The following SGCD variants were observed in gnomAD, a reference collection of about 807,000 sequenced individuals.
SGCD encodes the protein delta-sarcoglycan.
Under a neutral mutation model 36.6 loss-of-function variants are expected in SGCD, and 18 were observed. The ratio of observed to expected loss-of-function variants is 0.49; its 90% confidence interval spans 0.34 to 0.73. SGCD has a LOEUF of 0.73. Ranked by LOEUF, SGCD falls within the 30% of genes least tolerant of loss-of-function variation. The probability of loss-of-function intolerance (pLI) is 0.01; values close to 1 mark genes in which losing one functional copy is unlikely to be tolerated. For missense variants in SGCD, 387 were observed against 346.7 expected (o/e 1.12, Z -0.92); for synonymous variants, 133 against 130.6 (o/e 1.02, Z -0.12).
chr5:156,449,823 G>A (rs12659085), intron 3 of SGCD, among the ~76,000 whole-genome samples: 8,334 of 140,396 alleles, frequency 0.059, 295 homozygotes, highest in East Asian at 0.11. Flanking sequence ...CTGCACTCCA[G>A]CCTGGGTGAT....
chr5:156,151,000 A>C (rs1274578323), intron 3 of SGCD, among the ~76,000 whole-genome samples: 1 of 151,768 alleles, frequency 6.6e-6, no homozygotes, highest in Non-Finnish European at 1.5e-5. Context: ...AACATAAAAA[A>C]GGTAAAAAAT....
At chr5:156,604,027 A>G (rs1000167957) in intron 6 of SGCD, among the ~76,000 whole-genome samples, 5 of 151,894 alleles carry the variant, frequency 3.3e-5, no homozygotes, top group African/African-American at 1.2e-4. Flanking sequence ...TTTGGAGTCA[A>G]TCTCTCCCTT....
intron 1 of SGCD, among the ~76,000 whole-genome samples, chr5:155,973,366 A>G (rs539294805): frequency 5.0e-4 from 76 of 152,160 alleles, no homozygotes; most frequent in African/African-American, 1.6e-3. Context: ...ATTTAGCTCT[A>G]CACTGAGAAG....
At chr5:156,684,122 T>C (rs1396863812) in intron 7 of SGCD, among the ~76,000 whole-genome samples, 1 of 152,122 alleles carries the variant, frequency 6.6e-6, no homozygotes, top group African/African-American at 2.4e-5. Flanking sequence ...ATTTGAATAA[T>C]GAATGAATGA....
the SGCD span, among the ~76,000 whole-genome samples, chr5:155,773,714 CAAAT>C: frequency 6.6e-6 from 1 of 152,040 alleles, no homozygotes; most frequent in Non-Finnish European, 1.5e-5. Context: ...AGGGGTAAGT[CAAAT>C]AAAACTTCCT....
intron 4 of SGCD, among the ~76,000 whole-genome samples, chr5:156,521,994 G>A (rs764961838): frequency 5.9e-5 from 9 of 152,116 alleles, no homozygotes; most frequent in Non-Finnish European, 1.0e-4. Flanking sequence ...GCACATATAC[G>A]CTATGGAATA....
chr5:155,801,344 G>A, the SGCD span, among the ~76,000 whole-genome samples: 1 of 152,168 alleles, frequency 6.6e-6, no homozygotes, highest in East Asian at 1.9e-4. Context: ...AGAAGACACA[G>A]CTCATTCATT....
chr5:155,752,470 A>G, the SGCD span, among the ~76,000 whole-genome samples: 173 of 152,164 alleles, frequency 1.1e-3, no homozygotes, highest in African/African-American at 4.0e-3. Flanking sequence ...TACTCAGGCC[A>G]ATCTTTCTGC....
intron 1 of SGCD, among the ~76,000 whole-genome samples, chr5:155,872,207 A>G (rs1377493138): frequency 6.6e-6 from 1 of 152,214 alleles, no homozygotes; most frequent in Non-Finnish European, 1.5e-5. Flanking sequence ...TGCCTGCGAC[A>G]GCTTTAGTTT....
intron 1 of SGCD, among the ~76,000 whole-genome samples, chr5:155,909,695 T>C (rs774915621): frequency 2.6e-5 from 4 of 152,178 alleles, no homozygotes; most frequent in Non-Finnish European, 5.9e-5. Flanking sequence ...GCTAAACCCT[T>C]AAATTGAGTG....
At chr5:156,522,296 T>C (rs1283224619) in intron 4 of SGCD, among the ~76,000 whole-genome samples, 1 of 151,968 alleles carries the variant, frequency 6.6e-6, no homozygotes, top group African/African-American at 2.4e-5. Context: ...TACCTATGTA[T>C]CAAACCTGCA....
intron 3 of SGCD, among the ~76,000 whole-genome samples, chr5:156,379,211 AT>A (rs1770844945): frequency 6.6e-6 from 1 of 152,228 alleles, no homozygotes; most frequent in Admixed American, 6.5e-5. Context: ...AAATACCTAT[AT>A]TTCAGACAGT....
chr5:156,226,462 A>G (rs1013452619), intron 3 of SGCD, among the ~76,000 whole-genome samples: 4 of 152,204 alleles, frequency 2.6e-5, no homozygotes, highest in Non-Finnish European at 2.9e-5. Context: ...TTATCCATAC[A>G]TTGATTGATG....
intron 1 of SGCD, among the ~76,000 whole-genome samples, chr5:155,892,988 G>A (rs1181672945): frequency 6.6e-6 from 1 of 152,152 alleles, no homozygotes. Context: ...AGAGGGTGAG[G>A]AGAGGTTGGC....
At chr5:156,732,282 A>G (rs1348000834) in intron 7 of SGCD, among the ~76,000 whole-genome samples, 1 of 151,052 alleles carries the variant, frequency 6.6e-6, no homozygotes, top group Admixed American at 6.6e-5. Flanking sequence ...TATGGGTCTA[A>G]TACTTAGTTT....
chr5:156,322,341 T>C (rs138782682), upstream of SGCD, among the ~76,000 whole-genome samples: 989 of 152,332 alleles, frequency 6.5e-3, 4 homozygotes, highest in South Asian at 0.012. Context: ...CTTGGATTTT[T>C]TTTTTAAACC....
At chr5:156,112,978 A>G (rs150883392) in intron 1 of SGCD, among the ~76,000 whole-genome samples, 5 of 152,296 alleles carry the variant, frequency 3.3e-5, no homozygotes, top group African/African-American at 1.2e-4. Context: ...CTTATTTCCA[A>G]TGCAATGGTT....
chr5:156,747,449 A>C (rs1024118726), intron 7 of SGCD, among the ~76,000 whole-genome samples: 5 of 152,150 alleles, frequency 3.3e-5, no homozygotes, highest in African/African-American at 1.2e-4. Flanking sequence ...GATCTTACCA[A>C]ACGCTGGACT....
chr5:155,779,727 G>T, the SGCD span, among the ~76,000 whole-genome samples: 3 of 152,172 alleles, frequency 2.0e-5, no homozygotes, highest in East Asian at 5.8e-4. Context: ...GTCTGAAAAT[G>T]GCCAGACTGA....
Sources: allele counts gnomAD v4.1 joint callset (sites outside exome capture counted in the v4.1 genomes callset), GRCh38; gene constraint gnomAD v4.1.1; transcripts MANE v1.5; gene names NCBI Gene and HGNC (gene_info 2026-07-23, HGNC 2026-07-21).